Variants in CHCHD6 observed in about 807,000 individuals in gnomAD.
The protein encoded by CHCHD6 is MICOS complex subunit MIC25.
A neutral mutation model predicts 32.3 loss-of-function variants in CHCHD6; 28 were observed. That is an observed-to-expected ratio of 0.87 (90% CI 0.64 to 1.19). The LOEUF is 1.19. Among genes scored for constraint, CHCHD6 ranks in the 50% most tolerant of loss-of-function variants. The pLI is 0.00. For missense variants in CHCHD6, 333 were observed against 307.0 expected (o/e 1.08, Z -0.63); for synonymous variants, 122 against 117.5 (o/e 1.04, Z -0.25).
Position 126,771,457 on chromosome 3 carries a change from C to A in CHCHD6, c.411+38235C>A, listed in dbSNP as rs9828159. Among the ~76,000 whole-genome samples, 582 of 152,254 alleles carry A rather than the reference C, an allele frequency of 3.8e-3. 3 individuals are homozygous for A. The highest frequency in any genetic ancestry group is 0.014 in the African/African-American group (563 of 41,552). ...TGACCTCGTGATCTTGATCCGCCCACCTCGGCCTCCCAAAGTACTGGGCTT... is the reference window on the plus strand; with the variant it reads ...TGACCTCGTGATCTTGATCCGCCCAACTCGGCCTCCCAAAGTACTGGGCTT... On this transcript the variant is annotated intron_variant, in intron 4 of 7. Coordinates refer to ENST00000290913, the MANE Select transcript of CHCHD6 (RefSeq NM_032343.3).
intron 5 of CHCHD6, among the ~76,000 whole-genome samples, chr3:126,893,625 T>C (rs185171664): frequency 3.3e-5 from 5 of 152,308 alleles, no homozygotes; most frequent in Admixed American, 1.3e-4. Context: ...GTTGAGTCCA[T>C]AGGGAAATTT....
At chr3:126,784,323 A>G (rs982508160) in intron 4 of CHCHD6, among the ~76,000 whole-genome samples, 1 of 151,948 alleles carries the variant, frequency 6.6e-6, no homozygotes, top group African/African-American at 2.4e-5. Flanking sequence ...TTTCCTTTCA[A>G]TGCATTCTGA....
At chr3:126,956,105 G>T (rs946363067) in intron 6 of CHCHD6, among the ~76,000 whole-genome samples, 1 of 152,174 alleles carries the variant, frequency 6.6e-6, no homozygotes, top group African/African-American at 2.4e-5. Context: ...GATGATAACG[G>T]CTCTGGAGAC....
intron 4 of CHCHD6, among the ~76,000 whole-genome samples, chr3:126,806,876 T>C (rs1241033778): frequency 6.6e-6 from 1 of 151,764 alleles, no homozygotes; most frequent in African/African-American, 2.4e-5. Context: ...CCATAAAAAA[T>C]GATGAGTTCA....
At chr3:126,916,563 A>C (rs2078174326) in intron 6 of CHCHD6, among the ~76,000 whole-genome samples, 1 of 152,200 alleles carries the variant, frequency 6.6e-6, no homozygotes, top group African/African-American at 2.4e-5. Context: ...ACAGGGCCTG[A>C]GTGAGTAAGC....
chr3:126,732,098 A>AG (rs1935834012), intron 3 of CHCHD6, among the ~76,000 whole-genome samples: 1 of 149,078 alleles, frequency 6.7e-6, no homozygotes, highest in Non-Finnish European at 1.5e-5. Context: ...AAAAAAAAAA[A>AG]GAGGAAAAAA....
At chr3:126,852,809 GA>G in intron 5 of CHCHD6, 79 bp downstream of exon 5, 1 of 978,130 alleles carries the variant, frequency 1.0e-6, no homozygotes, top group Non-Finnish European at 1.6e-6. Flanking sequence ...GTCATGGGGG[GA>G]GAGAGGAGTC....
intron 5 of CHCHD6, among the ~76,000 whole-genome samples, chr3:126,869,349 C>CTGTGGATG (rs1227058725): frequency 7.3e-6 from 1 of 137,666 alleles, no homozygotes; most frequent in Non-Finnish European, 1.5e-5. Flanking sequence ...TAATCATTTC[C>CTGTGGATG]TGTGGATGGA....
At chr3:126,944,585 C>T (rs988553222) in intron 6 of CHCHD6, among the ~76,000 whole-genome samples, 3 of 152,154 alleles carry the variant, frequency 2.0e-5, no homozygotes, top group Non-Finnish European at 4.4e-5. Context: ...GCCAGGGAGG[C>T]CACAGAGCAG....
intron 5 of CHCHD6, 106 bp from the exon 6 acceptor site, chr3:126,914,574 C>A: frequency 1.3e-6 from 1 of 745,146 alleles, no homozygotes. Context: ...GGCTTTGATG[C>A]CCGTCAAGAA....
At chr3:126,943,747 T>C (rs2078595947) in intron 6 of CHCHD6, among the ~76,000 whole-genome samples, 1 of 152,080 alleles carries the variant, frequency 6.6e-6, no homozygotes. Flanking sequence ...TTTACCACGG[T>C]GTTCTGTGCA....
chr3:126,800,465 A>G (rs375004035), intron 4 of CHCHD6, among the ~76,000 whole-genome samples: 3 of 152,214 alleles, frequency 2.0e-5, no homozygotes, highest in East Asian at 1.9e-4. Flanking sequence ...GGTGTCCCCA[A>G]AGAGCTCCAG....
chr3:126,858,343 C>G (rs919586002), intron 5 of CHCHD6, among the ~76,000 whole-genome samples: 11 of 151,850 alleles, frequency 7.2e-5, no homozygotes, highest in Non-Finnish European at 1.5e-4. Flanking sequence ...CTTTCATGAC[C>G]TTGGTGTTAG....
At chr3:126,771,332 G>T (rs1937539183) in intron 4 of CHCHD6, among the ~76,000 whole-genome samples, 1 of 151,754 alleles carries the variant, frequency 6.6e-6, no homozygotes, top group Non-Finnish European at 1.5e-5. Context: ...AGCCTCCTGA[G>T]TAGCTGGGAC....
Position 126,912,421 on chromosome 3 carries a change from A to G in CHCHD6, c.496-2259A>G, listed in dbSNP as rs546270740. ...TGAATGTGAGGGCTCTAGAGAGAAC[A>G]CTGGAGCCCCCTTGCTGGGCATTTT... On this transcript the variant is annotated intron_variant, in intron 5 of 7. Coordinates refer to ENST00000290913, the MANE Select transcript of CHCHD6 (RefSeq NM_032343.3). Among the ~76,000 whole-genome samples the G allele has an allele frequency of 6.6e-5, 10 of 152,158 alleles. No individual in the cohort carries two copies. In the East Asian group the frequency reaches 1.9e-3, roughly 30 times the overall value.
At chr3:126,939,345 A>G (rs904101671) in intron 6 of CHCHD6, among the ~76,000 whole-genome samples, 5 of 152,244 alleles carry the variant, frequency 3.3e-5, no homozygotes, top group African/African-American at 9.7e-5. Context: ...GAAGTAGTGA[A>G]TTAAGTCTGT....
chr3:126,709,272 G>A (rs901125952), intron 1 of CHCHD6, among the ~76,000 whole-genome samples: 4 of 152,118 alleles, frequency 2.6e-5, no homozygotes, highest in Admixed American at 1.3e-4. Context: ...AAGTGTTTTT[G>A]ATGTTGGTTC....
At chr3:126,833,636 C>T (rs1487740803) in intron 4 of CHCHD6, among the ~76,000 whole-genome samples, 1 of 152,204 alleles carries the variant, frequency 6.6e-6, no homozygotes, top group African/African-American at 2.4e-5. Context: ...CCTTGTCTAG[C>T]ATCCACTCAA....
chr3:126,881,259 T>G (rs1358911764), intron 5 of CHCHD6, among the ~76,000 whole-genome samples: 2 of 152,254 alleles, frequency 1.3e-5, no homozygotes, highest in Non-Finnish European at 2.9e-5. Context: ...TTTCCTTCCC[T>G]GTGGCCTTAG....
Sources: allele counts gnomAD v4.1 joint callset (sites outside exome capture counted in the v4.1 genomes callset), GRCh38; gene constraint gnomAD v4.1.1; transcripts MANE v1.5; gene names NCBI Gene and HGNC (gene_info 2026-07-23, HGNC 2026-07-21).